TINAG: variants seen among roughly 807,000 people sequenced by gnomAD.
TINAG encodes the protein tubulointerstitial nephritis antigen.
Under a neutral mutation model 72.7 loss-of-function variants are expected in TINAG, and 83 were observed. That is an observed-to-expected ratio of 1.14 (90% CI 0.96 to 1.37). The LOEUF (loss-of-function observed/expected upper bound fraction) is 1.37. Among genes scored for constraint, TINAG ranks in the 40% most tolerant of loss-of-function variants. TINAG has a pLI of 0.00. For synonymous variants in TINAG, 234 were observed against 189.9 expected, an observed-to-expected ratio of 1.23 and a Z score of -1.91; for missense variants, 685 against 576.6, an observed-to-expected ratio of 1.19 and a Z score of -1.93.
rs58742359 is a variant in TINAG, at chr6:54,309,844, C to CAAA, written c.355+953_355+955dup. 3.3e-4 allele frequency among the ~76,000 whole-genome samples: 47 copies of CAAA among 141,252 alleles called. No homozygotes were observed. In the East Asian group the frequency reaches 4.5e-3, roughly 14 times the overall value. 92.7% of individuals were successfully genotyped at this position (141,252 alleles called of 152,430 possible). On this transcript the variant is annotated intron_variant, in intron 1 of 10. Coordinates refer to ENST00000259782, the MANE Select transcript of TINAG (RefSeq NM_014464.4). ...TTAAAGAGTCAGAGCAAGACTGTGT[C>CAAA]AAAAAAAAAAAAAAAATCCAGATGC...
intron 6 of TINAG, among the ~76,000 whole-genome samples, chr6:54,348,304 C>A (rs1462590341): frequency 6.6e-6 from 1 of 152,046 alleles, no homozygotes; most frequent in Non-Finnish European, 1.5e-5. Flanking sequence ...GAATGGGCAA[C>A]TTGGGCTGAT....
In TINAG at chr6:54,354,623, G is replaced by A. The variant is rs34011963; in HGVS notation, c.1237G>A (p.Val413Ile). Reference protein sequence around the residue: ...EKYRKLQTHAVKLTGWGTLRG... With the variant: ...EKYRKLQTHAIKLTGWGTLRG... ...ATATCGAAAGCTTCAGACACATGCA[G>A]TCAAACTCACTGGGTAAGGCAATTA... Residue 413 changes from valine (V) to isoleucine (I), a missense_variant, in exon 9 of 11, where the codon GTC (valine) becomes ATC (isoleucine). Physicochemically the swap from Val to Ile is conservative, Grantham distance 29. Transcript: ENST00000259782. 5,899 of 1,606,752 alleles carry A rather than the reference G, an allele frequency of 3.7e-3. 167 individuals are homozygous for A. The African/African-American group carries it at 0.069, about 19-fold the overall frequency.
intron 3 of TINAG, among the ~76,000 whole-genome samples, chr6:54,323,469 G>A (rs1203315524): frequency 6.6e-6 from 1 of 151,994 alleles, no homozygotes; most frequent in African/African-American, 2.4e-5. Flanking sequence ...TTTTAAAATA[G>A]CCTACATCAA....
chr6:54,383,678 T>A (rs1764015102), intron 10 of TINAG, among the ~76,000 whole-genome samples: 1 of 152,050 alleles, frequency 6.6e-6, no homozygotes, highest in Non-Finnish European at 1.5e-5. Context: ...AAGCAATAGA[T>A]GATACTTTAG....
chr6:54,356,723 T>C (rs890430116), intron 9 of TINAG, among the ~76,000 whole-genome samples: 3 of 151,878 alleles, frequency 2.0e-5, no homozygotes, highest in African/African-American at 7.2e-5. Context: ...TACTTGAATT[T>C]AATAAAATTT....
intron 9 of TINAG, among the ~76,000 whole-genome samples, chr6:54,364,461 ATGAT>A (rs902594701): frequency 1.2e-4 from 18 of 151,536 alleles, no homozygotes; most frequent in African/African-American, 4.1e-4. Flanking sequence ...AGATAGAAAA[ATGAT>A]TGAGTCAAAA....
intron 2 of TINAG, 123 bp from the exon 3 acceptor site, chr6:54,321,174 A>G: frequency 2.6e-6 from 2 of 760,484 alleles, no homozygotes; most frequent in Non-Finnish European, 4.4e-6. Context: ...GAATCAAATA[A>G]CCATATGGCT....
chr6:54,335,284 A>G (rs970648328), intron 4 of TINAG, among the ~76,000 whole-genome samples: 1 of 152,214 alleles, frequency 6.6e-6, no homozygotes, highest in African/African-American at 2.4e-5. Flanking sequence ...ATTTGTTTGC[A>G]TAAAAGTCAC....
intron 9 of TINAG, among the ~76,000 whole-genome samples, chr6:54,372,059 T>C (rs908550263): frequency 2.8e-5 from 4 of 144,788 alleles, no homozygotes; most frequent in African/African-American, 1.0e-4. Context: ...TGGCATGATC[T>C]GGGCTCACTG....
In TINAG at chr6:54,343,226, G is replaced by C. The variant is rs200699663; in HGVS notation, c.625G>C (p.Ala209Pro). The change falls in exon 5 of 11, where the codon GCT (alanine) becomes CCT (proline). Residue 209 changes from alanine to proline, a missense_variant and splice_region_variant. Ala to Pro is a conservative substitution (Grantham distance 27). Transcript: ENST00000259782. ...PMLLSMNEMT[A>P]SLPATTDLPE... is the part of the protein sequence containing the mutation. ...ATATGTACCTCTTCTTCCTCTTTAG[G>C]CTTCTTTACCTGCAACAACTGATCT... The C allele has an allele frequency of 9.0e-6, 14 of 1,549,232 alleles. No individual in the cohort carries two copies. Among genetic ancestry groups the C allele is most frequent in the Admixed American group, 5.4e-5 (3 of 55,352 alleles).
chr6:54,326,342 T>A (rs1285743596), intron 3 of TINAG, among the ~76,000 whole-genome samples: 4 of 151,964 alleles, frequency 2.6e-5, no homozygotes, highest in Non-Finnish European at 4.4e-5. Flanking sequence ...ATGTCATTTT[T>A]AAAAATTATA....
At chr6:54,326,946 C>T (rs777361758) in intron 4 of TINAG, 30 bp downstream of exon 4, 12 of 1,612,560 alleles carry the variant, frequency 7.4e-6, no homozygotes, top group South Asian at 3.3e-5. Flanking sequence ...CACGTATGTG[C>T]ATGTATTTGT....
At chr6:54,324,766 C>A (rs1276344449) in intron 3 of TINAG, among the ~76,000 whole-genome samples, 6 of 152,154 alleles carry the variant, frequency 3.9e-5, no homozygotes, top group Non-Finnish European at 8.8e-5. Context: ...CAAAAAGTTT[C>A]TCTTAGATAT....
In TINAG at chr6:54,313,077, A is replaced by G. The variant is rs1393279295; in HGVS notation, c.355+4172A>G. ...TAATTTCTTTGAAAATGGAAGGTGTATTTTCATCGAAAAATAGAAAATACA... is the reference window on the plus strand; with the variant it reads ...TAATTTCTTTGAAAATGGAAGGTGTGTTTTCATCGAAAAATAGAAAATACA... On this transcript the variant is annotated intron_variant, in intron 1 of 10. Transcript: ENST00000259782. Among the ~76,000 whole-genome samples, 3 of 152,136 alleles carry G rather than the reference A, an allele frequency of 2.0e-5. No homozygotes were observed. The East Asian group carries it at 5.8e-4, about 29-fold the overall frequency.
At position 54,380,286 on chromosome 6, in the gene TINAG, G is replaced by T. The variant is rs571894961; in HGVS notation, c.1251-240G>T. Among the ~76,000 whole-genome samples the T allele has an allele frequency of 8.7e-4, 132 of 152,102 alleles. 1 individual carries two copies. Among genetic ancestry groups the T allele is most frequent in the Admixed American group, 2.8e-3 (43 of 15,246 alleles). Reference sequence around the variant, plus strand: ...AGTCTTTCTCTCCTGTGGTCAATGAGTTTGATTTCAAGCCATTTATATATA... The same window carrying T: ...AGTCTTTCTCTCCTGTGGTCAATGATTTTGATTTCAAGCCATTTATATATA... On this transcript the variant is annotated intron_variant, in intron 9 of 10. Transcript: ENST00000259782.
At chr6:54,338,303 A>G (rs933827050) in intron 4 of TINAG, among the ~76,000 whole-genome samples, 2 of 152,186 alleles carry the variant, frequency 1.3e-5, no homozygotes, top group Non-Finnish European at 2.9e-5. Flanking sequence ...TTTCTTCTCT[A>G]TGAAGAAGTA....
intron 9 of TINAG, among the ~76,000 whole-genome samples, chr6:54,372,257 G>A (rs1206539998): frequency 1.3e-5 from 2 of 151,954 alleles, no homozygotes; most frequent in Non-Finnish European, 2.9e-5. Flanking sequence ...CTCCCAAAGT[G>A]CTGGGATTAC....
intron 9 of TINAG, among the ~76,000 whole-genome samples, chr6:54,375,860 T>C (rs561708774): frequency 2.6e-5 from 4 of 152,302 alleles, no homozygotes; most frequent in African/African-American, 9.6e-5. Context: ...ACCAGAGCTG[T>C]CTTTCTAAAA....
chr6:54,342,126 G>T (rs993294966), intron 4 of TINAG, among the ~76,000 whole-genome samples: 2 of 151,724 alleles, frequency 1.3e-5, no homozygotes, highest in African/African-American at 4.8e-5. Flanking sequence ...TAAACAAATC[G>T]TTATTTGGTT....
Sources: gnomAD v4.1 joint callset for allele counts (sites outside exome capture counted in the v4.1 genomes callset) on GRCh38, gnomAD v4.1.1 for gene constraint, MANE v1.5 for transcripts, NCBI Gene and HGNC (gene_info 2026-07-23, HGNC 2026-07-21) for gene names.